USP13: variants seen among roughly 807,000 people sequenced by gnomAD.
USP13 encodes ubiquitin specific peptidase 13, also known as ubiquitin carboxyl-terminal hydrolase 13.
A neutral mutation model predicts 107.8 loss-of-function variants in USP13; 68 were observed. The observed-to-expected ratio is 0.63, with a 90% CI of 0.52 to 0.77. The LOEUF (loss-of-function observed/expected upper bound fraction) is 0.77. Among genes scored for constraint, USP13 ranks in the 30% least tolerant of loss-of-function variants. The probability of loss-of-function intolerance (pLI) is 0.00; values close to 1 mark genes in which losing one functional copy is unlikely to be tolerated. For synonymous variants in USP13, 377 were observed against 389.5 expected, an observed-to-expected ratio of 0.97 and a Z score of 0.38; for missense variants, 945 against 1,093.3, an observed-to-expected ratio of 0.86 and a Z score of 1.91.
At chr3:179,765,924 C>A in intron 19 of USP13, 76 bp downstream of exon 19, 3 of 1,474,032 alleles carry the variant, frequency 2.0e-6, no homozygotes, top group South Asian at 1.3e-5. Context: ...CCCACCACAA[C>A]ATAGTCAAGC....
chr3:179,770,862 T>G (rs1715323236), intron 19 of USP13, among the ~76,000 whole-genome samples: 1 of 152,148 alleles, frequency 6.6e-6, no homozygotes, highest in African/African-American at 2.4e-5. Context: ...TGCCTTGGCC[T>G]CCCAAAGTGC....
chr3:179,712,621 A>G (rs752454363), intron 6 of USP13, among the ~76,000 whole-genome samples: 2 of 152,112 alleles, frequency 1.3e-5, no homozygotes, highest in Non-Finnish European at 2.9e-5. Flanking sequence ...GGTTTCATAA[A>G]TCATTTCACT....
chr3:179,694,885 CT>C (rs1712238945), intron 3 of USP13, among the ~76,000 whole-genome samples: 1 of 151,998 alleles, frequency 6.6e-6, no homozygotes, highest in African/African-American at 2.4e-5. Flanking sequence ...GCAGAGTCAC[CT>C]TGCCTTTGTC....
intron 10 of USP13, among the ~76,000 whole-genome samples, chr3:179,738,068 A>T (rs1419961419): frequency 6.6e-6 from 1 of 152,198 alleles, no homozygotes; most frequent in African/African-American, 2.4e-5. Flanking sequence ...GATTCTGCAA[A>T]CGTGTCATCG....
At chr3:179,659,312 G>A (rs1560038690) in intron 1 of USP13, among the ~76,000 whole-genome samples, 1 of 152,170 alleles carries the variant, frequency 6.6e-6, no homozygotes, top group Non-Finnish European at 1.5e-5. Flanking sequence ...ATTTAGTGGT[G>A]TGCCTGGTAT....
At chr3:179,767,478 G>A (rs1464619811) in intron 19 of USP13, among the ~76,000 whole-genome samples, 1 of 150,800 alleles carries the variant, frequency 6.6e-6, no homozygotes, top group East Asian at 1.9e-4. Flanking sequence ...AGGCTGGAGT[G>A]CAGTGGCACG....
Position 179,721,585 on chromosome 3 carries a change from A to G in USP13, c.1084A>G (p.Arg362Gly). The change falls in exon 8 of 21, where the codon AGA becomes GGA. Residue 362 changes from arginine to glycine, a missense_variant. Transcript: ENST00000263966. The surrounding 1 kb of genome is among the most constrained non-coding windows in gnomAD (Gnocchi z 4.3). ...CATCTTCAGCATCCCAGAATTCCAG[A>G]GAGCGTAAGTGCCTTCCATGCAGAC... ...QAIFSIPEFQ[R>G]AYVGNLPRIF... The G allele has an allele frequency of 1.9e-6, 3 of 1,613,212 alleles. No individual in the cohort carries two copies. The highest frequency in any genetic ancestry group is 2.5e-6 in the Non-Finnish European group (3 of 1,179,962).
chr3:179,752,542 T>C (rs1714649862), intron 14 of USP13, among the ~76,000 whole-genome samples, 169 bp downstream of exon 14: 1 of 152,204 alleles, frequency 6.6e-6, no homozygotes, highest in African/African-American at 2.4e-5. Context: ...ACAATAAAAA[T>C]TGCCATCTGC....
chr3:179,703,675 A>G (rs1343001246), intron 4 of USP13, among the ~76,000 whole-genome samples: 1 of 152,214 alleles, frequency 6.6e-6, no homozygotes, highest in Non-Finnish European at 1.5e-5. Flanking sequence ...CAGGTTATCA[A>G]TATGACGTCA....
chr3:179,736,935 C>CT (rs1180962408), intron 10 of USP13, among the ~76,000 whole-genome samples: 1 of 152,206 alleles, frequency 6.6e-6, no homozygotes, highest in Non-Finnish European at 1.5e-5. Context: ...AGAAATAACA[C>CT]TATCAGCAGC....
chr3:179,659,089 G>A (rs570363277), intron 1 of USP13, among the ~76,000 whole-genome samples: 5 of 152,246 alleles, frequency 3.3e-5, no homozygotes, highest in African/African-American at 9.6e-5. Context: ...ATTTTTGAAA[G>A]CTCTGAGATG....
At chr3:179,779,739 A>G (rs1715679418) in intron 19 of USP13, among the ~76,000 whole-genome samples, 1 of 150,498 alleles carries the variant, frequency 6.6e-6, no homozygotes, top group Admixed American at 6.6e-5. Flanking sequence ...AAAAAAAAAG[A>G]AAAAGAAAAA....
In USP13 at chr3:179,708,761, A is replaced by T; in HGVS notation, c.621-12A>T. 1 of 1,613,740 alleles carries T rather than the reference A, an allele frequency of 6.2e-7. No homozygotes were observed. Among genetic ancestry groups the T allele is most frequent in the Non-Finnish European group, 8.5e-7 (1 of 1,179,858 alleles). On this transcript the variant is annotated splice_polypyrimidine_tract_variant and intron_variant, in intron 5 of 20. Transcript: ENST00000263966. ...CCCTGGCTGTTCTGACTACTCTCCA[A>T]TGGCTTTCCAGTGGTTGGAAGTGTG... is the stretch of plus-strand genomic sequence containing the variant.
chr3:179,692,014 C>T (rs1250954883), intron 3 of USP13, among the ~76,000 whole-genome samples: 2 of 152,158 alleles, frequency 1.3e-5, no homozygotes, highest in Non-Finnish European at 2.9e-5. Flanking sequence ...CCTATACATA[C>T]ATATACATAT....
At chr3:179,679,466 TTTA>T (rs1237639011) in intron 1 of USP13, among the ~76,000 whole-genome samples, 3 of 152,252 alleles carry the variant, frequency 2.0e-5, no homozygotes, top group East Asian at 1.9e-4. Context: ...TTTACATTAT[TTTA>T]TTATTATTAT....
chr3:179,660,867 TC>T (rs1720437475), intron 1 of USP13, among the ~76,000 whole-genome samples: 1 of 152,220 alleles, frequency 6.6e-6, no homozygotes, highest in South Asian at 2.1e-4. Context: ...AAAGCTTCCT[TC>T]CAAAAGCAAC....
intron 11 of USP13, among the ~76,000 whole-genome samples, 173 bp downstream of exon 11, chr3:179,740,545 T>C (rs1292554963): frequency 2.6e-5 from 4 of 152,338 alleles, no homozygotes; most frequent in East Asian, 3.9e-4. Flanking sequence ...GCCAACTTGA[T>C]GTGACTGCTC....
At chr3:179,687,556 G>C (rs1329723558) in intron 2 of USP13, among the ~76,000 whole-genome samples, 1 of 150,010 alleles carries the variant, frequency 6.7e-6, no homozygotes, top group Admixed American at 6.7e-5. Context: ...CTACTCGGGA[G>C]GCTGGCGCAG....
chr3:179,711,241 CAG>C (rs1456203057), intron 6 of USP13, among the ~76,000 whole-genome samples: 3 of 151,968 alleles, frequency 2.0e-5, no homozygotes, highest in Non-Finnish European at 2.9e-5. Context: ...TTTTTTGAGA[CAG>C]AGTCTCACTC....
Sources: allele counts gnomAD v4.1 joint callset (sites outside exome capture counted in the v4.1 genomes callset), GRCh38; gene constraint gnomAD v4.1.1; non-coding constraint Gnocchi (gnomAD v3.1); transcripts MANE v1.5; gene names NCBI Gene and HGNC (gene_info 2026-07-23, HGNC 2026-07-21).